Variants in MAN2B2 observed in about 807,000 individuals in gnomAD.
MAN2B2 encodes the protein mannosidase alpha class 2B member 2, also known as epididymis-specific alpha-mannosidase.
A neutral mutation model predicts 117.1 loss-of-function variants in MAN2B2; 106 were observed. That is an observed-to-expected ratio of 0.90 (90% confidence interval 0.77 to 1.06). The LOEUF is 1.06. MAN2B2 is among the 50% of genes least tolerant of loss of function. The probability of loss-of-function intolerance (pLI) is 0.00; values close to 1 mark genes in which losing one functional copy is unlikely to be tolerated. For missense variants in MAN2B2, 1,326 were observed against 1,381.4 expected (o/e 0.96, Z 0.64); for synonymous variants, 544 against 595.1 (o/e 0.91, Z 1.25).
rs201727705 is a variant in MAN2B2, at chr4:6,594,624, G to C, written c.949G>C (p.Gly317Arg). The change falls in exon 7 of 19, where the codon GGT becomes CGT. Residue 317 changes from glycine to arginine, a missense_variant. Physicochemically the swap from Gly to Arg is moderately radical, Grantham distance 125. Coordinates refer to ENST00000285599, the MANE Select transcript of MAN2B2 (RefSeq NM_015274.3). ...CATCAACAGCCATGCTGCCGAGCTC[G>C]GTGTCTCGGTGCAGTATGCCACGCT... ...DHINSHAAEL[G>R]VSVQYATLGD... 8.7e-6 allele frequency: 14 copies of C among 1,613,574 alleles called. No homozygotes were observed. The South Asian group carries it at 1.5e-4, about 18-fold the overall frequency.
rs142274591 is a variant in MAN2B2 at position 6,583,171 on chromosome 4, AG to A, written c.392-3822del. ...CTAGGGGATAGGGAATGGTGGAGCC[AG>A]GGCAGGCAGCTTCCTTGTAAAAGGC... On this transcript the variant is annotated intron_variant, in intron 3 of 18. Transcript: ENST00000285599. Among the ~76,000 whole-genome samples, 1,133 of 152,308 alleles carry A rather than the reference AG, an allele frequency of 7.4e-3. 15 individuals carry two copies. The highest frequency in any genetic ancestry group is 0.025 in the African/African-American group (1,051 of 41,574).
At chr4:6,575,823 G>A (rs1022998366) in intron 1 of MAN2B2, among the ~76,000 whole-genome samples, 1 of 152,220 alleles carries the variant, frequency 6.6e-6, no homozygotes, top group Non-Finnish European at 1.5e-5. Flanking sequence ...GACCTTGGGC[G>A]AGGGGCTTTG....
rs761603710 is a variant in MAN2B2 at position 6,576,679 on chromosome 4, C to T, written c.240C>T (p.Phe80=). 2 of 1,613,884 alleles carry T rather than the reference C, an allele frequency of 1.2e-6. No individual in the cohort carries two copies. Among genetic ancestry groups the T allele is most frequent in the Non-Finnish European group, 8.5e-7 (1 of 1,180,010 alleles). Residue 80 remains phenylalanine, a synonymous_variant, in exon 2 of 19, where the codon TTC becomes TTT. Transcript: ENST00000285599. ...TCATCGCTGTGGAGCAGGAGTTTTT[C>T]CGGCTGTGGTGGGATGGCGTCGCCT... The part of the protein sequence containing the change: ...RRFIAVEQEF[F]RLWWDGVASD...
In MAN2B2 at chr4:6,595,593, C is replaced by T. The variant is rs1055038597; in HGVS notation, c.1057+861C>T. On this transcript the variant is annotated intron_variant, in intron 7 of 18. Coordinates refer to ENST00000285599, the MANE Select transcript of MAN2B2 (RefSeq NM_015274.3). Reference sequence around the variant, plus strand: ...GGACAAGGGGGTTGAACTTGCTTTTCTAACAATCCCAGTCCCATGACAATG... The same window carrying T: ...GGACAAGGGGGTTGAACTTGCTTTTTTAACAATCCCAGTCCCATGACAATG... Among the ~76,000 whole-genome samples the T allele has an allele frequency of 3.9e-5, 6 of 152,356 alleles. No homozygotes were observed. The South Asian group carries it at 1.2e-3, about 32-fold the overall frequency.
intron 4 of MAN2B2, 85 bp downstream of exon 4, chr4:6,587,253 T>A: frequency 6.6e-7 from 1 of 1,506,308 alleles, no homozygotes; most frequent in Non-Finnish European, 9.0e-7. Context: ...AAGCTGCTGC[T>A]CTATGCCGAA....
At chr4:6,579,410 TCACCATCACCACCACCATCAC>T (rs1726331365) in intron 3 of MAN2B2, among the ~76,000 whole-genome samples, 3 of 53,538 alleles carry the variant, frequency 5.6e-5, no homozygotes, top group Admixed American at 3.9e-4. Flanking sequence ...ACCACCACCA[TCACCATCACCACCACCATCAC>T]CACCACCCTT....
At chr4:6,604,970 C>T in intron 10 of MAN2B2, 85 bp from the exon 11 acceptor site, 5 of 1,462,664 alleles carry the variant, frequency 3.4e-6, no homozygotes, top group Non-Finnish European at 4.7e-6. Flanking sequence ...TGGAAAGACA[C>T]TGCTGCCTCA....
At chr4:6,619,832 G>A (rs1712074471) in intron 17 of MAN2B2, 95 bp from the exon 18 acceptor site, 13 of 1,089,370 alleles carry the variant, frequency 1.2e-5, no homozygotes, top group Non-Finnish European at 1.8e-5. Context: ...TGAGGACACC[G>A]AGTTCGTGGT....
At chr4:6,617,278 G>A in intron 16 of MAN2B2, 102 bp from the exon 17 acceptor site, 1 of 841,352 alleles carries the variant, frequency 1.2e-6, no homozygotes, top group Admixed American at 2.3e-5. Flanking sequence ...GGAGGTTACA[G>A]ATAGGAAATG....
intron 10 of MAN2B2, among the ~76,000 whole-genome samples, chr4:6,604,589 G>A (rs1300763490): frequency 1.3e-5 from 2 of 152,010 alleles, no homozygotes; most frequent in Non-Finnish European, 2.9e-5. Context: ...AAGGGCCATC[G>A]TTGGATGGGG....
chr4:6,613,852 A>C (rs949528711), intron 15 of MAN2B2, among the ~76,000 whole-genome samples: 4 of 151,972 alleles, frequency 2.6e-5, no homozygotes, highest in African/African-American at 7.3e-5. Flanking sequence ...GGGAGGAAGA[A>C]GGAAGGAAAA....
chr4:6,601,367 T>C (rs983359104), intron 10 of MAN2B2, among the ~76,000 whole-genome samples: 1 of 151,952 alleles, frequency 6.6e-6, no homozygotes, highest in African/African-American at 2.4e-5. Context: ...TAGCCAGGCG[T>C]GGTAGCATGC....
intron 3 of MAN2B2, among the ~76,000 whole-genome samples, chr4:6,586,008 A>G (rs907188441): frequency 2.0e-5 from 3 of 151,338 alleles, no homozygotes; most frequent in African/African-American, 7.3e-5. Context: ...CCTAAGCCTC[A>G]CCTGTTGAAG....
At chr4:6,587,872 A>G (rs905909516) in intron 4 of MAN2B2, among the ~76,000 whole-genome samples, 1 of 149,672 alleles carries the variant, frequency 6.7e-6, no homozygotes, top group Non-Finnish European at 1.5e-5. Flanking sequence ...ATTGTGCCTC[A>G]GCCTCTCAAG....
chr4:6,604,966 G>C (rs1014568855), intron 10 of MAN2B2, 89 bp from the exon 11 acceptor site: 4 of 1,441,264 alleles, frequency 2.8e-6, no homozygotes, highest in East Asian at 2.3e-5. Flanking sequence ...GAGATGGAAA[G>C]ACACTGCTGC....
At chr4:6,598,902 C>A (rs1727214043) in intron 9 of MAN2B2, among the ~76,000 whole-genome samples, 1 of 152,240 alleles carries the variant, frequency 6.6e-6, no homozygotes, top group African/African-American at 2.4e-5. Context: ...TGGGACCAGC[C>A]TCTTTGACTG....
chr4:6,588,229 T>G (rs1448060679), intron 4 of MAN2B2, among the ~76,000 whole-genome samples: 1 of 152,118 alleles, frequency 6.6e-6, no homozygotes, highest in Admixed American at 6.6e-5. Flanking sequence ...AGGGCCACGC[T>G]CCCTCTGAAG....
chr4:6,599,377 A>C (rs1727230611), intron 9 of MAN2B2, among the ~76,000 whole-genome samples: 1 of 152,046 alleles, frequency 6.6e-6, no homozygotes, highest in Non-Finnish European at 1.5e-5. Context: ...AAATGCTGCT[A>C]TCTGGCCAGG....
At position 6,594,653 on chromosome 4, in the gene MAN2B2, C is replaced by T. The variant is rs775825334; in HGVS notation, c.978C>T (p.Gly326=). 9.3e-6 allele frequency: 15 copies of T among 1,613,536 alleles called. No homozygotes were observed. The highest frequency in any genetic ancestry group is 1.7e-4 in the Middle Eastern group (1 of 5,970). ...LGVSVQYATL[G]DYFRALHALN... is the part of the protein sequence containing the mutation. ...TCTCGGTGCAGTATGCCACGCTGGG[C>T]GACTACTTCCGTGCCCTGCACGCTC... Residue 326 remains glycine, a synonymous_variant, in exon 7 of 19, where the codon GGC becomes GGT. Coordinates refer to ENST00000285599, the MANE Select transcript of MAN2B2 (RefSeq NM_015274.3).
Sources: gnomAD v4.1 joint callset for allele counts (sites outside exome capture counted in the v4.1 genomes callset) on GRCh38, gnomAD v4.1.1 for gene constraint, MANE v1.5 for transcripts, NCBI Gene and HGNC (gene_info 2026-07-23, HGNC 2026-07-21) for gene names.